The following STIMATE variants were observed in gnomAD, a reference collection of about 807,000 sequenced individuals.
The protein encoded by STIMATE is store-operated calcium entry regulator STIMATE.
A neutral mutation model predicts 36.7 loss-of-function variants in STIMATE; 15 were observed. The ratio of observed to expected loss-of-function variants is 0.41; its 90% CI spans 0.27 to 0.63. The LOEUF is 0.63. Among genes scored for constraint, STIMATE ranks in the 20% least tolerant of loss-of-function variants. The pLI is 0.32. For missense variants in STIMATE, 305 were observed against 397.3 expected, an observed-to-expected ratio of 0.77 and a Z score of 1.98; for synonymous variants, 163 against 162.3, an observed-to-expected ratio of 1.00 and a Z score of -0.03.
chr3:52,878,242 C>G (rs912635954), intron 1 of STIMATE, among the ~76,000 whole-genome samples: 10 of 151,510 alleles, frequency 6.6e-5, no homozygotes, highest in African/African-American at 1.7e-4. Flanking sequence ...TTTACGCAGT[C>G]TGATGCTAGA....
At chr3:52,878,073 G>A (rs185606968) in intron 1 of STIMATE, among the ~76,000 whole-genome samples, 58 of 147,612 alleles carry the variant, frequency 3.9e-4, no homozygotes, top group African/African-American at 3.5e-4. Context: ...CAGCCTGGGC[G>A]ACAGAGCAAG....
At chr3:52,856,772 T>A (rs4687558) in intron 1 of STIMATE, among the ~76,000 whole-genome samples, 1 of 152,362 alleles carries the variant, frequency 6.6e-6, no homozygotes, top group South Asian at 2.1e-4. Flanking sequence ...ACCTGATTGG[T>A]CTTGGATAGC....
chr3:52,895,556 CAT>C (rs1217674614), intron 1 of STIMATE, among the ~76,000 whole-genome samples: 5 of 152,216 alleles, frequency 3.3e-5, no homozygotes, highest in African/African-American at 1.2e-4. Context: ...GGGATTTGCA[CAT>C]GTGCTCACGC....
intron 1 of STIMATE, among the ~76,000 whole-genome samples, chr3:52,874,694 C>A (rs555754731): frequency 1.3e-5 from 2 of 152,040 alleles, no homozygotes; most frequent in Non-Finnish European, 2.9e-5. Flanking sequence ...AACCCAGTCT[C>A]TACTGAAAAT....
intron 1 of STIMATE, 110 bp downstream of exon 1, chr3:52,897,181 A>G: frequency 1.4e-6 from 2 of 1,381,660 alleles, no homozygotes. Flanking sequence ...GCGGGGGAGG[A>G]GCAATTCGGG....
chr3:52,891,972 C>A (rs1414115534), intron 1 of STIMATE, among the ~76,000 whole-genome samples: 1 of 152,168 alleles, frequency 6.6e-6, no homozygotes. Flanking sequence ...GGGGAGAAAA[C>A]TGAAGCTTTG....
At chr3:52,879,353 G>A (rs1041396734) in intron 1 of STIMATE, among the ~76,000 whole-genome samples, 4 of 152,066 alleles carry the variant, frequency 2.6e-5, no homozygotes, top group African/African-American at 9.7e-5. Context: ...ATCATCACCC[G>A]CTATGAGCTA....
chr3:52,866,933 G>A (rs1397586270), intron 1 of STIMATE, among the ~76,000 whole-genome samples: 1 of 152,222 alleles, frequency 6.6e-6, no homozygotes, highest in Non-Finnish European at 1.5e-5. Context: ...CAGCCCAAGA[G>A]ATGCAGGGAT....
At chr3:52,883,396 A>G (rs1481929415) in intron 1 of STIMATE, among the ~76,000 whole-genome samples, 1 of 152,178 alleles carries the variant, frequency 6.6e-6, no homozygotes, top group Admixed American at 6.5e-5. Context: ...GTTTTGCAAC[A>G]GTCTGATTAT....
In STIMATE at chr3:52,840,542, G is replaced by A; in HGVS notation, c.837C>T (p.Pro279=). The A allele has an allele frequency of 1.2e-6, 2 of 1,614,080 alleles. No individual in the cohort carries two copies. The highest frequency in any genetic ancestry group is 1.7e-6 in the Non-Finnish European group (2 of 1,180,020). ...DVEEDLRRLT[P]LKPVKKKKHR... is the part of the protein sequence containing the mutation. ...GCTTCTTTTTCTTCACAGGCTTGAG[G>A]GGGGTCAGTCTGCGGAGGTCCTCCT... Residue 279 remains proline, a synonymous_variant, in exon 8 of 8, where the codon CCC becomes CCT. Coordinates refer to ENST00000355083, the MANE Select transcript of STIMATE (RefSeq NM_198563.5).
At chr3:52,866,216 A>T (rs983441706) in intron 1 of STIMATE, among the ~76,000 whole-genome samples, 2 of 152,238 alleles carry the variant, frequency 1.3e-5, no homozygotes, top group Non-Finnish European at 2.9e-5. Context: ...TAATAGCACG[A>T]GTACCCATTC....
intron 1 of STIMATE, chr3:52,896,026 A>C: frequency 4.5e-6 from 5 of 1,106,128 alleles, no homozygotes; most frequent in Non-Finnish European, 6.1e-6. Flanking sequence ...AGGAAAGAAA[A>C]AGTGGCAAAC....
rs71087029 is a variant in STIMATE at position 52,887,994 on chromosome 3, G to GTTTTTTT, written c.160+9290_160+9296dup. 9.1e-3 allele frequency among the ~76,000 whole-genome samples: 481 copies of GTTTTTTT among 52,696 alleles called. 170 individuals carry two copies. Among genetic ancestry groups the GTTTTTTT allele is most frequent in the Middle Eastern group, 0.053 (2 of 38 alleles). The allele number at this position is 52,696 out of a possible 152,430, so 34.6% of individuals were successfully genotyped here. ...GCTCTAACTTCATATAACAGAATCA[G>GTTTTTTT]TTTTTTTTTTTTTTTTTTTTTTTTT... On this transcript the variant is annotated intron_variant, in intron 1 of 7. Transcript: ENST00000355083.
chr3:52,861,777 G>A (rs1380952432), intron 1 of STIMATE, among the ~76,000 whole-genome samples: 1 of 152,180 alleles, frequency 6.6e-6, no homozygotes, highest in Non-Finnish European at 1.5e-5. Flanking sequence ...GGGTCTGCCA[G>A]CTGCAACCCT....
At chr3:52,843,597 T>A in intron 6 of STIMATE, 124 bp downstream of exon 6, 1 of 1,412,246 alleles carries the variant, frequency 7.1e-7, no homozygotes, top group South Asian at 1.3e-5. Context: ...GTGGGAGAGG[T>A]GGCAAATGGT....
At chr3:52,844,305 T>C (rs908582217) in intron 5 of STIMATE, among the ~76,000 whole-genome samples, 12 of 152,244 alleles carry the variant, frequency 7.9e-5, no homozygotes, top group Non-Finnish European at 1.3e-4. Context: ...CCACTTGTTC[T>C]CAAAGCTTCT....
chr3:52,860,606 C>G lies in STIMATE; in HGVS notation c.161-5162G>C, dbSNP rs552047364. 6.6e-5 allele frequency among the ~76,000 whole-genome samples: 10 copies of G among 152,228 alleles called. No homozygotes were observed. In the South Asian group the frequency reaches 2.1e-3, roughly 32 times the overall value. On this transcript the variant is annotated intron_variant, in intron 1 of 7. Transcript: ENST00000355083. ...CAGCTGCTGTGCTGAGAGCAGCCCA[C>G]AGGGATGGTATGGCAGCAGGGAGCC...
intron 2 of STIMATE, 73 bp downstream of exon 2, chr3:52,855,323 A>ACCCCCC: frequency 6.5e-7 from 1 of 1,546,730 alleles, no homozygotes; most frequent in African/African-American, 1.4e-5. Context: ...CCAACACCAT[A>ACCCCCC]CCCCACCCCC....
rs573890965 is a variant in STIMATE, at chr3:52,847,003, G to C, written c.428-2062C>G. ...ATTGTATCCTCAAACTCCTAGGCTTGAGTGATCCTCCTGCCTCAGCCTCCC... is the reference window on the plus strand; with the variant it reads ...ATTGTATCCTCAAACTCCTAGGCTTCAGTGATCCTCCTGCCTCAGCCTCCC... On this transcript the variant is annotated intron_variant, in intron 4 of 7. Coordinates refer to ENST00000355083, the MANE Select transcript of STIMATE (RefSeq NM_198563.5). 2.6e-5 allele frequency among the ~76,000 whole-genome samples: 4 copies of C among 152,224 alleles called. No homozygotes were observed. The East Asian group carries it at 5.8e-4, about 22-fold the overall frequency.
Sources: gnomAD v4.1 joint callset for allele counts (sites outside exome capture counted in the v4.1 genomes callset) on GRCh38, gnomAD v4.1.1 for gene constraint, MANE v1.5 for transcripts, NCBI Gene and HGNC (gene_info 2026-07-23, HGNC 2026-07-21) for gene names.